Variants in PLXNC1 observed in about 807,000 individuals in gnomAD.
PLXNC1 encodes the protein plexin C1.
PLXNC1 carries 75 observed loss-of-function variants against 178.2 expected under a neutral mutation model. The observed-to-expected ratio is 0.42, with a 90% CI of 0.35 to 0.51. The LOEUF (loss-of-function observed/expected upper bound fraction) is 0.51. PLXNC1 is among the 20% of genes least tolerant of loss of function. The pLI is 0.02. For missense variants in PLXNC1, 1,503 were observed against 1,984.4 expected (o/e 0.76, Z 4.61); for synonymous variants, 790 against 779.9 (o/e 1.01, Z -0.22).
At chr12:94,272,541 C>T (rs1437826517) in intron 21 of PLXNC1, among the ~76,000 whole-genome samples, 1 of 152,232 alleles carries the variant, frequency 6.6e-6, no homozygotes, top group Non-Finnish European at 1.5e-5. Flanking sequence ...CTCCCAGTGC[C>T]TCCTGGCCCT....
chr12:94,237,627 G>C, intron 9 of PLXNC1, 37 bp from the exon 10 acceptor site: 3 of 1,590,756 alleles, frequency 1.9e-6, no homozygotes, highest in Non-Finnish European at 2.6e-6. Flanking sequence ...CCATTTCTTA[G>C]CTTTGATCTC....
intron 17 of PLXNC1, 97 bp downstream of exon 17, chr12:94,255,393 C>A (rs1964812105): frequency 2.4e-6 from 2 of 823,496 alleles, no homozygotes; most frequent in African/African-American, 3.4e-5. Context: ...TCCAAGGCAG[C>A]TATAATGTGC....
chr12:94,242,411 T>G (rs1223303964), intron 11 of PLXNC1, among the ~76,000 whole-genome samples: 14 of 150,384 alleles, frequency 9.3e-5, no homozygotes, highest in Admixed American at 6.0e-4. Flanking sequence ...CAGATTCAAG[T>G]GATTCTCCTG....
chr12:94,286,784 T>C (rs1966849173), intron 23 of PLXNC1, among the ~76,000 whole-genome samples: 1 of 152,234 alleles, frequency 6.6e-6, no homozygotes, highest in Non-Finnish European at 1.5e-5. Flanking sequence ...TCCCTGCTGT[T>C]GGAGAGCCAG....
At position 94,265,074 on chromosome 12, in the gene PLXNC1, C is replaced by A. The variant is rs764476496; in HGVS notation, c.3451-5C>A. 6.2e-7 allele frequency: 1 copy of A among 1,613,730 alleles called. No homozygotes were observed. The highest frequency in any genetic ancestry group is 8.5e-7 in the Non-Finnish European group (1 of 1,179,792). ...GCTAACTGTCACTTTTGTGTCTTTT[C>A]CAAGGAGACTGTCGGAGAGCCCTTC... On this transcript the variant is annotated splice_polypyrimidine_tract_variant and splice_region_variant and intron_variant, in intron 20 of 30. Coordinates refer to ENST00000258526, the MANE Select transcript of PLXNC1 (RefSeq NM_005761.3).
intron 2 of PLXNC1, among the ~76,000 whole-genome samples, chr12:94,179,740 C>CAAAAA: frequency 1.2e-5 from 1 of 80,292 alleles, no homozygotes; most frequent in Non-Finnish European, 2.5e-5. Context: ...GACTCCATCT[C>CAAAAA]AAAAAAAAAA....
At chr12:94,251,682 G>A (rs1385530862) in intron 15 of PLXNC1, among the ~76,000 whole-genome samples, 154 bp downstream of exon 15, 1 of 152,180 alleles carries the variant, frequency 6.6e-6, no homozygotes, top group Non-Finnish European at 1.5e-5. Flanking sequence ...ATAGGTACAC[G>A]CTGAGGGCTT....
chr12:94,209,846 G>A (rs1007777793), intron 5 of PLXNC1, 142 bp downstream of exon 5: 7 of 582,724 alleles, frequency 1.2e-5, no homozygotes, highest in African/African-American at 1.9e-5. Flanking sequence ...ACTCATTAAC[G>A]AATATTGAGT....
At chr12:94,262,723 CACAG>C in intron 20 of PLXNC1, 1 of 985,446 alleles carries the variant, frequency 1.0e-6, no homozygotes, top group Non-Finnish European at 1.2e-6. Context: ...TGTCCTACCC[CACAG>C]ACGTTTAGTG....
rs1263536312 is a variant in PLXNC1 at position 94,305,334 on chromosome 12, G to A, written c.*49G>A. Reference sequence around the variant, plus strand: ...TGGCAAAGTTCTTCAGACGACTTGGGAGCAAAATGGCTGCTTGAGCTACTC... The same window carrying A: ...TGGCAAAGTTCTTCAGACGACTTGGAAGCAAAATGGCTGCTTGAGCTACTC... On this transcript the variant is annotated 3_prime_UTR_variant, in exon 31 of 31. Coordinates refer to ENST00000258526, the MANE Select transcript of PLXNC1 (RefSeq NM_005761.3). 4 of 1,090,576 alleles carry A rather than the reference G, an allele frequency of 3.7e-6. No homozygotes were observed. Among genetic ancestry groups the A allele is most frequent in the African/African-American group, 3.2e-5 (2 of 63,112 alleles). The allele number at this position is 1,090,576 out of a possible 1,614,324, so 67.6% of individuals were successfully genotyped here.
chr12:94,277,959 G>T (rs1193687553), intron 21 of PLXNC1: 4 of 455,850 alleles, frequency 8.8e-6, no homozygotes, highest in Admixed American at 2.4e-5. Flanking sequence ...TCTCTCCCCT[G>T]AGCCCTAGGC....
chr12:94,179,442 A>G (rs1482440142), intron 2 of PLXNC1, among the ~76,000 whole-genome samples: 2 of 152,212 alleles, frequency 1.3e-5, no homozygotes, highest in African/African-American at 2.4e-5. Context: ...TACAAAGGTG[A>G]TTAAGACATG....
chr12:94,230,209 T>TG, intron 9 of PLXNC1, among the ~76,000 whole-genome samples: 1 of 152,374 alleles, frequency 6.6e-6, no homozygotes, highest in Admixed American at 6.5e-5. Flanking sequence ...ATGTACCCTT[T>TG]GGGGGACTGG....
intron 4 of PLXNC1, among the ~76,000 whole-genome samples, chr12:94,199,252 T>G (rs1255486127): frequency 1.3e-5 from 2 of 152,204 alleles, no homozygotes; most frequent in African/African-American, 2.4e-5. Flanking sequence ...CTTCCTCCTT[T>G]CCTTCCAATC....
At chr12:94,219,899 C>T in intron 5 of PLXNC1, 117 bp from the exon 6 acceptor site, 1 of 716,350 alleles carries the variant, frequency 1.4e-6, no homozygotes, top group South Asian at 2.8e-5. Flanking sequence ...TTTACATCAG[C>T]TCTTCTGAGA....
chr12:94,290,448 A>G (rs1050516771), intron 23 of PLXNC1, among the ~76,000 whole-genome samples: 3 of 152,266 alleles, frequency 2.0e-5, no homozygotes, highest in Non-Finnish European at 2.9e-5. Flanking sequence ...GCTCAGTAAG[A>G]GTTAAGAATC....
chr12:94,211,732 A>T (rs1322545129), intron 5 of PLXNC1, among the ~76,000 whole-genome samples: 2 of 152,250 alleles, frequency 1.3e-5, no homozygotes, highest in Non-Finnish European at 2.9e-5. Context: ...AATCAGAGCA[A>T]TTCCAGTTGT....
Position 94,212,869 on chromosome 12 carries a change from A to G in PLXNC1, c.1554+3165A>G, listed in dbSNP as rs866631692. Among the ~76,000 whole-genome samples the G allele has an allele frequency of 1.3e-4, 19 of 150,312 alleles. No homozygotes were observed. The South Asian group carries it at 1.3e-3, about 10-fold the overall frequency. On this transcript the variant is annotated intron_variant, in intron 5 of 30. Transcript: ENST00000258526. ...CAAGTAGCTGGGACTACAGGCGCCC[A>G]CCACTACACCCGGCTAATTTTTTGT...
At chr12:94,177,185 A>G (rs1241397136) in intron 2 of PLXNC1, among the ~76,000 whole-genome samples, 1,088 of 32,696 alleles carry the variant, frequency 0.033, 33 homozygotes, top group African/African-American at 0.13. Flanking sequence ...ACGTATATAT[A>G]TGTATATATA....
Sources: gnomAD v4.1 joint callset for allele counts (sites outside exome capture counted in the v4.1 genomes callset) on GRCh38, gnomAD v4.1.1 for gene constraint, MANE v1.5 for transcripts, NCBI Gene and HGNC (gene_info 2026-07-23, HGNC 2026-07-21) for gene names.